GULP1: variants seen among roughly 807,000 people sequenced by gnomAD.
GULP1 encodes the protein PTB domain-containing engulfment adapter protein 1.
A neutral mutation model predicts 40.9 loss-of-function variants in GULP1; 19 were observed. The ratio of observed to expected loss-of-function variants is 0.46; its 90% CI spans 0.32 to 0.68. GULP1 has a LOEUF of 0.68. Ranked by LOEUF, GULP1 falls within the 30% of genes least tolerant of loss-of-function variation. GULP1 has a pLI of 0.03. For synonymous variants in GULP1, 119 were observed against 117.6 expected (o/e 1.01, Z -0.08); for missense variants, 312 against 362.2 (o/e 0.86, Z 1.12).
chr2:188,307,587 A>G (rs1161399380), intron 1 of GULP1, among the ~76,000 whole-genome samples: 1 of 152,212 alleles, frequency 6.6e-6, no homozygotes, highest in African/African-American at 2.4e-5. Context: ...GTTTTCAATT[A>G]TATAATTAAT....
At chr2:188,396,166 C>T (rs566189521) in intron 2 of GULP1, among the ~76,000 whole-genome samples, 8 of 152,182 alleles carry the variant, frequency 5.3e-5, no homozygotes, top group Admixed American at 2.6e-4. Context: ...GATTTGTGCT[C>T]TTTTTATGCT....
chr2:188,329,073 T>C (rs1407029142), intron 1 of GULP1, among the ~76,000 whole-genome samples: 1 of 152,062 alleles, frequency 6.6e-6, no homozygotes, highest in African/African-American at 2.4e-5. Flanking sequence ...TTTTCACAGG[T>C]GGTCTCAGGC....
At chr2:188,328,989 G>A (rs1036680236) in intron 1 of GULP1, among the ~76,000 whole-genome samples, 1 of 152,062 alleles carries the variant, frequency 6.6e-6, no homozygotes, top group African/African-American at 2.4e-5. Flanking sequence ...CACTTGCAAT[G>A]CAAAAGGGTC....
intron 1 of GULP1, among the ~76,000 whole-genome samples, chr2:188,354,991 A>G (rs2045080494): frequency 6.6e-6 from 1 of 152,186 alleles, no homozygotes. Flanking sequence ...ATGTTTCTGG[A>G]AACAAATGAA....
intron 2 of GULP1, among the ~76,000 whole-genome samples, chr2:188,432,917 G>T (rs2152827184): frequency 6.6e-6 from 1 of 152,002 alleles, no homozygotes; most frequent in East Asian, 1.9e-4. Context: ...AGATCATATT[G>T]CTTTTACTTC....
At position 188,442,834 on chromosome 2, in the gene GULP1, T is replaced by G. The variant is rs887433287; in HGVS notation, c.-44-34825T>G. 2.6e-5 allele frequency among the ~76,000 whole-genome samples: 4 copies of G among 152,306 alleles called. No homozygotes were observed. The East Asian group carries it at 7.7e-4, about 29-fold the overall frequency. On this transcript the variant is annotated intron_variant, in intron 2 of 11. Transcript: ENST00000409830. Reference sequence around the variant, plus strand: ...AATGGCGCTATAAAATTCATGACTTTGAATTTTATCCAAAAGATCAGATTC... The same window carrying G: ...AATGGCGCTATAAAATTCATGACTTGGAATTTTATCCAAAAGATCAGATTC...
intron 7 of GULP1, among the ~76,000 whole-genome samples, chr2:188,566,820 A>AGG (rs1189669116): frequency 3.4e-5 from 5 of 146,222 alleles, no homozygotes; most frequent in East Asian, 3.9e-4. Context: ...AAAAAAAAAA[A>AGG]GGGGAAGGAT....
chr2:188,531,242 G>A (rs927763822), intron 6 of GULP1, among the ~76,000 whole-genome samples: 3 of 152,150 alleles, frequency 2.0e-5, no homozygotes, highest in African/African-American at 7.2e-5. Context: ...AAGTTTGAGG[G>A]GATCTGCTGT....
chr2:188,412,144 A>G (rs2053974715), intron 2 of GULP1, among the ~76,000 whole-genome samples: 1 of 152,092 alleles, frequency 6.6e-6, no homozygotes, highest in South Asian at 2.1e-4. Context: ...CAGGAAACTT[A>G]TAGTCATGGT....
At chr2:188,525,996 C>T (rs75917025) in intron 5 of GULP1, among the ~76,000 whole-genome samples, 3,001 of 151,924 alleles carry the variant, frequency 0.02, 93 homozygotes, top group African/African-American at 0.069. Flanking sequence ...AAATAATAGG[C>T]CCGAAGTAGT....
rs531009168 is a variant in GULP1 at position 188,353,550 on chromosome 2, T to C, written c.-171-30213T>C. Among the ~76,000 whole-genome samples the C allele has an allele frequency of 1.3e-5, 2 of 152,210 alleles. 1 individual carries two copies. The highest frequency in any genetic ancestry group is 4.8e-5 in the African/African-American group (2 of 41,526). Reference sequence around the variant, plus strand: ...TACTCCATCTACCCATTGTAGTCACTGTGCCAGAGCTCAGGTAGCACCGTA... The same window carrying C: ...TACTCCATCTACCCATTGTAGTCACCGTGCCAGAGCTCAGGTAGCACCGTA... On this transcript the variant is annotated intron_variant, in intron 1 of 11. Transcript: ENST00000409830.
At chr2:188,409,739 A>G (rs1198367085) in intron 2 of GULP1, among the ~76,000 whole-genome samples, 1 of 152,202 alleles carries the variant, frequency 6.6e-6, no homozygotes, top group Non-Finnish European at 1.5e-5. Flanking sequence ...ATTCAACAGC[A>G]TGTTAAAAGA....
intron 1 of GULP1, among the ~76,000 whole-genome samples, chr2:188,328,269 T>G (rs920854277): frequency 2.6e-5 from 4 of 152,146 alleles, no homozygotes; most frequent in Non-Finnish European, 5.9e-5. Context: ...CTATTTCCAT[T>G]TCTCTCTATC....
chr2:188,531,874 T>G (rs1345247437), intron 6 of GULP1, among the ~76,000 whole-genome samples: 1 of 152,182 alleles, frequency 6.6e-6, no homozygotes, highest in Non-Finnish European at 1.5e-5. Context: ...TACATCTTCT[T>G]TTCAAAATTA....
intron 1 of GULP1, among the ~76,000 whole-genome samples, chr2:188,314,249 C>T (rs2038693117): frequency 6.6e-6 from 1 of 152,040 alleles, no homozygotes; most frequent in East Asian, 1.9e-4. Context: ...ACAAAAGTTT[C>T]CTAACAAAAT....
At chr2:188,408,703 G>A (rs113429531) in intron 2 of GULP1, among the ~76,000 whole-genome samples, 275 of 152,232 alleles carry the variant, frequency 1.8e-3, no homozygotes, top group Middle Eastern at 6.8e-3. Context: ...CTATCAAACA[G>A]CATCAGCATA....
intron 1 of GULP1, among the ~76,000 whole-genome samples, chr2:188,302,895 A>G (rs181461860): frequency 3.3e-5 from 5 of 152,226 alleles, no homozygotes; most frequent in Admixed American, 1.3e-4. Flanking sequence ...TTTTTCTTCC[A>G]CTGTCTTACA....
chr2:188,476,150 A>G (rs2060991062), intron 2 of GULP1, among the ~76,000 whole-genome samples: 1 of 152,194 alleles, frequency 6.6e-6, no homozygotes, highest in South Asian at 2.1e-4. Context: ...TGGTTACAGA[A>G]TGTAATGCAT....
At position 188,355,633 on chromosome 2, in the gene GULP1, TA is replaced by T. The variant is rs2045187272; in HGVS notation, c.-171-28123del. Among the ~76,000 whole-genome samples, 6 of 152,048 alleles carry T rather than the reference TA, an allele frequency of 3.9e-5. No individual in the cohort carries two copies. The South Asian group carries it at 1.2e-3, about 32-fold the overall frequency. On this transcript the variant is annotated intron_variant, in intron 1 of 11. Coordinates refer to ENST00000409830, the MANE Select transcript of GULP1 (RefSeq NM_016315.4). ...ATAATGCCAGTTCTTCTCAAACTAT[TA>T]AAAAAATTGAAGAGGAGAAAATTCT... is the stretch of plus-strand genomic sequence containing the variant.
Sources: allele counts gnomAD v4.1 joint callset (sites outside exome capture counted in the v4.1 genomes callset), GRCh38; gene constraint gnomAD v4.1.1; transcripts MANE v1.5; gene names NCBI Gene and HGNC (gene_info 2026-07-23, HGNC 2026-07-21).